The following NOL10 variants were observed in gnomAD, a reference collection of about 807,000 sequenced individuals.
NOL10 encodes the protein nucleolar protein 10, also known as H_NH0074G24.1.
Under a neutral mutation model 103.5 loss-of-function variants are expected in NOL10, and 58 were observed. That is an observed-to-expected ratio of 0.56 (90% CI 0.45 to 0.70). The LOEUF (loss-of-function observed/expected upper bound fraction) is 0.70, where lower values mean the gene tolerates loss of function less well. Among genes scored for constraint, NOL10 ranks in the 30% least tolerant of loss-of-function variants. The pLI is 0.00. For synonymous variants in NOL10, 287 were observed against 282.5 expected (o/e 1.02, Z -0.16); for missense variants, 763 against 807.3 (o/e 0.95, Z 0.67).
intron 13 of NOL10, among the ~76,000 whole-genome samples, chr2:10,621,472 T>C (rs1677143540): frequency 1.3e-5 from 2 of 152,164 alleles, no homozygotes; most frequent in South Asian, 4.1e-4. Flanking sequence ...CACATTCCTG[T>C]AGTCCTGGGT....
At chr2:10,611,190 A>G (rs1676546558) in intron 13 of NOL10, among the ~76,000 whole-genome samples, 1 of 151,980 alleles carries the variant, frequency 6.6e-6, no homozygotes, top group Non-Finnish European at 1.5e-5. Flanking sequence ...TCCCTTAGCA[A>G]CTTTAATGAT....
chr2:10,677,978 C>T (rs2148355229), intron 3 of NOL10, among the ~76,000 whole-genome samples: 1 of 151,142 alleles, frequency 6.6e-6, no homozygotes, highest in Non-Finnish European at 1.5e-5. Context: ...CACACACACA[C>T]ACATAATTTG....
At chr2:10,611,290 A>C (rs781550770) in intron 13 of NOL10, among the ~76,000 whole-genome samples, 9 of 152,222 alleles carry the variant, frequency 5.9e-5, no homozygotes, top group Non-Finnish European at 1.3e-4. Flanking sequence ...CCACAACTCA[A>C]ATGCAGCAAA....
At chr2:10,681,893 TA>T (rs944027416) in intron 3 of NOL10, 77 bp downstream of exon 3, 30,224 of 427,224 alleles carry the variant, frequency 0.071, 1 homozygote, top group East Asian at 0.1. Flanking sequence ...ATATTAGGGT[TA>T]AAAAAAAAAA....
intron 8 of NOL10, among the ~76,000 whole-genome samples, chr2:10,666,694 T>A (rs1680585855): frequency 2.0e-5 from 1 of 51,038 alleles, no homozygotes; most frequent in Non-Finnish European, 3.6e-5. Context: ...TATTATATAC[T>A]GTTATGTCTA....
At chr2:10,624,304 C>T (rs115857992) in intron 13 of NOL10, among the ~76,000 whole-genome samples, 4 of 151,590 alleles carry the variant, frequency 2.6e-5, no homozygotes, top group Admixed American at 2.0e-4. Context: ...TGGTTTTCGT[C>T]GTGCCACTAC....
chr2:10,581,072 T>C (rs984349939), intron 19 of NOL10, among the ~76,000 whole-genome samples: 2 of 152,256 alleles, frequency 1.3e-5, no homozygotes, highest in African/African-American at 2.4e-5. Context: ...ATTTGAATGC[T>C]TTCCGTTTCC....
chr2:10,610,021 G>A (rs1014140339), intron 13 of NOL10, among the ~76,000 whole-genome samples: 5 of 152,216 alleles, frequency 3.3e-5, no homozygotes, highest in African/African-American at 1.2e-4. Flanking sequence ...GTCCTCTCCG[G>A]CAAAAGTATT....
chr2:10,627,590 G>C (rs370119159), intron 13 of NOL10, among the ~76,000 whole-genome samples: 7 of 152,126 alleles, frequency 4.6e-5, no homozygotes, highest in Admixed American at 3.9e-4. Context: ...CAGGAGAATG[G>C]CGTGAACCCG....
intron 6 of NOL10, 39 bp downstream of exon 6, chr2:10,671,515 T>C (rs1325196081): frequency 6.9e-7 from 1 of 1,451,930 alleles, no homozygotes; most frequent in Non-Finnish European, 9.1e-7. Flanking sequence ...TTGGTTGTTT[T>C]AGGAGGTGAA....
rs551074934 is a variant in NOL10, at chr2:10,639,648, G to T, written c.1026+4672C>A. On this transcript the variant is annotated intron_variant, in intron 13 of 20. Coordinates refer to ENST00000381685, the MANE Select transcript of NOL10 (RefSeq NM_024894.4). ...TGGGTTGGGTGCCATAGGGGACTTG[G>T]ATTCCCTCTGAAGTCTACATAGTTG... Among the ~76,000 whole-genome samples the T allele has an allele frequency of 2.0e-5, 3 of 152,216 alleles. No individual in the cohort carries two copies. In the South Asian group the frequency reaches 6.2e-4, roughly 32 times the overall value.
intron 19 of NOL10, among the ~76,000 whole-genome samples, chr2:10,581,928 G>A (rs1034448997): frequency 6.6e-6 from 1 of 152,166 alleles, no homozygotes; most frequent in African/African-American, 2.4e-5. Flanking sequence ...TTAAAAGAGA[G>A]AAGTGTGGTG....
intron 12 of NOL10, among the ~76,000 whole-genome samples, 196 bp downstream of exon 12, chr2:10,654,285 C>T (rs771247099): frequency 3.3e-5 from 5 of 152,256 alleles, no homozygotes; most frequent in Non-Finnish European, 5.9e-5. Context: ...GAATCATCCA[C>T]ACCACTTCCT....
At chr2:10,619,521 G>A (rs992427011) in intron 13 of NOL10, among the ~76,000 whole-genome samples, 1 of 152,110 alleles carries the variant, frequency 6.6e-6, no homozygotes, top group Non-Finnish European at 1.5e-5. Flanking sequence ...AAACATATCT[G>A]TTAAAGTTCT....
At chr2:10,621,691 G>C (rs1473386185) in intron 13 of NOL10, among the ~76,000 whole-genome samples, 2 of 152,170 alleles carry the variant, frequency 1.3e-5, no homozygotes, top group East Asian at 3.8e-4. Flanking sequence ...CTTGCTAGAG[G>C]GAAGTACACT....
chr2:10,658,121 G>A (rs1244818761), intron 10 of NOL10, among the ~76,000 whole-genome samples: 5 of 152,044 alleles, frequency 3.3e-5, no homozygotes, highest in African/African-American at 1.2e-4. Context: ...AAGAGCTACT[G>A]AACATACTAA....
chr2:10,671,484 C>G, intron 6 of NOL10, 70 bp downstream of exon 6: 4 of 1,231,182 alleles, frequency 3.2e-6, no homozygotes, highest in Non-Finnish European at 4.2e-6. Flanking sequence ...AGAAAATGTA[C>G]ACGAAATTTA....
At chr2:10,599,515 G>C (rs1675866087) in intron 17 of NOL10, among the ~76,000 whole-genome samples, 1 of 152,102 alleles carries the variant, frequency 6.6e-6, no homozygotes, top group East Asian at 1.9e-4. Flanking sequence ...AACTTAGGAA[G>C]GTGCAGAGCC....
chr2:10,671,832 C>A, intron 5 of NOL10, 142 bp from the exon 6 acceptor site: 1 of 597,852 alleles, frequency 1.7e-6, no homozygotes, highest in Non-Finnish European at 2.9e-6. Flanking sequence ...CATGCACACA[C>A]ACTCCACTGG....
Sources: allele counts gnomAD v4.1 joint callset (sites outside exome capture counted in the v4.1 genomes callset), GRCh38; gene constraint gnomAD v4.1.1; transcripts MANE v1.5; gene names NCBI Gene and HGNC (gene_info 2026-07-23, HGNC 2026-07-21).